RASA2: variants seen among roughly 807,000 people sequenced by gnomAD.
RASA2 encodes RAS p21 protein activator 2.
In RASA2, 155 loss-of-function variants were observed where a neutral mutation model predicts 118.2. The observed-to-expected ratio is 1.31, with a 90% confidence interval of 1.15 to 1.50. RASA2 has a LOEUF of 1.50. RASA2 is among the 40% of genes most tolerant of loss of function. RASA2 has a pLI of 0.00. For missense variants in RASA2, 1,016 were observed against 1,009.6 expected (o/e 1.01, Z -0.09); for synonymous variants, 353 against 349.1 (o/e 1.01, Z -0.12).
At chr3:141,604,811 C>T (rs963621934) in intron 19 of RASA2, among the ~76,000 whole-genome samples, 3 of 151,412 alleles carry the variant, frequency 2.0e-5, no homozygotes, top group South Asian at 4.2e-4. Flanking sequence ...ATGTAAATGA[C>T]GAGTTAATGG....
intron 5 of RASA2, 142 bp from the exon 6 acceptor site, chr3:141,553,715 A>G (rs2082606553): frequency 1.2e-5 from 17 of 1,367,528 alleles, no homozygotes; most frequent in Non-Finnish European, 1.6e-5. Flanking sequence ...CCTATTCCAT[A>G]TAGGTAGTAT....
At chr3:141,549,347 A>G (rs907549051) in intron 5 of RASA2, among the ~76,000 whole-genome samples, 1 of 151,990 alleles carries the variant, frequency 6.6e-6, no homozygotes. Flanking sequence ...TCTGTCCTAA[A>G]AGGCATGCCT....
At chr3:141,602,799 T>C (rs1185606667) in intron 19 of RASA2, among the ~76,000 whole-genome samples, 1 of 152,208 alleles carries the variant, frequency 6.6e-6, no homozygotes, top group Non-Finnish European at 1.5e-5. Flanking sequence ...GTGTGTGGAT[T>C]AGAGAATACA....
chr3:141,572,029 C>T (rs1006982143), intron 11 of RASA2, among the ~76,000 whole-genome samples: 1 of 121,462 alleles, frequency 8.2e-6, no homozygotes, highest in African/African-American at 3.0e-5. Flanking sequence ...TTTAAAAAAA[C>T]ATATATATAT....
intron 16 of RASA2, among the ~76,000 whole-genome samples, chr3:141,580,849 G>C (rs540290623): frequency 2.1e-4 from 32 of 150,232 alleles, no homozygotes; most frequent in Non-Finnish European, 3.6e-4. Context: ...AAAAAAAGCA[G>C]ACAGTTTCAT....
At chr3:141,569,314 G>A (rs946453914) in intron 9 of RASA2, among the ~76,000 whole-genome samples, 1 of 152,020 alleles carries the variant, frequency 6.6e-6, no homozygotes, top group Admixed American at 6.5e-5. Flanking sequence ...GAACTCTTGT[G>A]ATATCTTGAA....
chr3:141,560,308 C>T (rs570096741), intron 9 of RASA2, among the ~76,000 whole-genome samples: 1 of 152,230 alleles, frequency 6.6e-6, no homozygotes, highest in Admixed American at 6.5e-5. Flanking sequence ...TAAGAAAACG[C>T]TTGGTCACAA....
chr3:141,604,880 A>G (rs557560459), intron 19 of RASA2, among the ~76,000 whole-genome samples: 1 of 152,194 alleles, frequency 6.6e-6, no homozygotes, highest in South Asian at 2.1e-4. Context: ...CATTGTGCAC[A>G]TGTACCCTAG....
chr3:141,580,079 A>ATATATATATATAT, intron 15 of RASA2, among the ~76,000 whole-genome samples: 1 of 101,900 alleles, frequency 9.8e-6, no homozygotes, highest in African/African-American at 3.7e-5. Flanking sequence ...GAAAAAAAAA[A>ATATATATATATAT]AAAAAAATAT....
intron 11 of RASA2, 94 bp downstream of exon 11, chr3:141,571,648 T>A: frequency 7.9e-7 from 1 of 1,271,986 alleles, no homozygotes; most frequent in Non-Finnish European, 1.1e-6. Context: ...TTTTTTGTAT[T>A]GATCAGCCTT....
At chr3:141,610,391 T>A (rs1421064591) in intron 23 of RASA2, among the ~76,000 whole-genome samples, 1 of 85,632 alleles carries the variant, frequency 1.2e-5, no homozygotes, top group Non-Finnish European at 2.4e-5. Flanking sequence ...TATTATATAT[T>A]TATATTTATA....
At chr3:141,556,986 C>A (rs1339527202) in intron 7 of RASA2, among the ~76,000 whole-genome samples, 3 of 152,172 alleles carry the variant, frequency 2.0e-5, no homozygotes, top group South Asian at 2.1e-4. Context: ...TTATTAATGG[C>A]GGTTGCATCT....
intron 4 of RASA2, among the ~76,000 whole-genome samples, chr3:141,539,482 A>G (rs1479812377): frequency 3.3e-5 from 5 of 152,164 alleles, no homozygotes; most frequent in African/African-American, 1.2e-4. Flanking sequence ...CCCTTAAAAT[A>G]GTGAGGGTGT....
chr3:141,568,873 A>T (rs2082867228), intron 9 of RASA2, among the ~76,000 whole-genome samples: 1 of 152,114 alleles, frequency 6.6e-6, no homozygotes, highest in South Asian at 2.1e-4. Flanking sequence ...ATGCAGATAA[A>T]TATTTATAAA....
At chr3:141,610,912 C>T (rs911706176) in intron 23 of RASA2, among the ~76,000 whole-genome samples, 3 of 151,998 alleles carry the variant, frequency 2.0e-5, no homozygotes, top group Non-Finnish European at 4.4e-5. Context: ...TCACAAAACT[C>T]ACCCCCAAAA....
In RASA2 at chr3:141,573,983, AT is replaced by A; in HGVS notation, c.1401del (p.Ile467MetfsTer2). ...RYYVDKLFNTIVKSSMSCPTV... is the reference protein window; with the variant it reads ...RYYVDKLFNTXVKSSMSCPTV... ...CTATGTAGACAAGTTATTCAATACA[AT>A]TGTAAAATCAAGTATGAGCTGCCCC... On this transcript the variant is annotated frameshift_variant, in exon 14 of 24. Transcript: ENST00000286364. LOFTEE classifies it high-confidence loss of function. 1 of 1,591,590 alleles carries A rather than the reference AT, an allele frequency of 6.3e-7. No individual in the cohort carries two copies.
intron 19 of RASA2, among the ~76,000 whole-genome samples, chr3:141,603,525 C>A (rs549766043): frequency 1.3e-4 from 20 of 152,112 alleles, no homozygotes; most frequent in Non-Finnish European, 2.4e-4. Context: ...GAGCCGAGAT[C>A]ATGCCATTGT....
intron 1 of RASA2, 36 bp from the exon 2 acceptor site, chr3:141,512,127 G>A (rs1185073606): frequency 7.1e-7 from 1 of 1,398,864 alleles, no homozygotes; most frequent in Non-Finnish European, 1.0e-6. Flanking sequence ...AGCAGTTGAT[G>A]ATATTTAATA....
At chr3:141,506,884 C>T (rs1188810994) in intron 1 of RASA2, among the ~76,000 whole-genome samples, 2 of 148,412 alleles carry the variant, frequency 1.3e-5, no homozygotes, top group African/African-American at 5.0e-5. Context: ...CCACTGCACT[C>T]CAGCGTGGGC....
Sources: gnomAD v4.1 joint callset for allele counts (sites outside exome capture counted in the v4.1 genomes callset) on GRCh38, gnomAD v4.1.1 for gene constraint, MANE v1.5 for transcripts, NCBI Gene and HGNC (gene_info 2026-07-23, HGNC 2026-07-21) for gene names.